Variants in LOXHD1 observed in about 807,000 individuals in gnomAD.
LOXHD1 encodes the protein lipoxygenase homology domain-containing protein 1.
In LOXHD1, 205 loss-of-function variants were observed where a neutral mutation model predicts 248.2. The observed-to-expected ratio is 0.83, with a 90% confidence interval of 0.74 to 0.93. LOXHD1 has a LOEUF of 0.93. Among genes scored for constraint, LOXHD1 ranks in the 40% least tolerant of loss-of-function variants. The pLI is 0.00. For synonymous variants in LOXHD1, 1,113 were observed against 1,162.8 expected, an observed-to-expected ratio of 0.96 and a Z score of 0.87; for missense variants, 2,930 against 2,971.6, an observed-to-expected ratio of 0.99 and a Z score of 0.33.
At chr18:46,559,016 G>T in intron 20 of LOXHD1, 2 of 634,734 alleles carry the variant, frequency 3.2e-6, no homozygotes, top group South Asian at 1.6e-5. Context: ...TGCTCATGTG[G>T]TTCCATCTTC....
rs539058926 is a variant in LOXHD1, at chr18:46,621,140, C to T, written c.512-2850G>A. On this transcript the variant is annotated intron_variant, in intron 4 of 40. Coordinates refer to ENST00000642948, the MANE Select transcript of LOXHD1 (RefSeq NM_001384474.1). The stretch of plus-strand genomic sequence containing the variant: ...CAAGCAGACTGTCTTCTAGCCTCTG[C>T]AGAACTTTCTATGGCAGATGGGGCC... 2.6e-5 allele frequency among the ~76,000 whole-genome samples: 4 copies of T among 152,250 alleles called. No individual in the cohort carries two copies. The South Asian group carries it at 6.2e-4, about 24-fold the overall frequency.
intron 2 of LOXHD1, among the ~76,000 whole-genome samples, chr18:46,642,251 A>C (rs1224492947): frequency 6.6e-6 from 1 of 152,212 alleles, no homozygotes; most frequent in Non-Finnish European, 1.5e-5. Flanking sequence ...CCAGGTTCTC[A>C]TTTGATCCTT....
Position 46,593,547 on chromosome 18 carries a change from G to A in LOXHD1, c.1431+53C>T, listed in dbSNP as rs2038209844. The A allele has an allele frequency of 3.3e-6, 5 of 1,534,692 alleles. No homozygotes were observed. The East Asian group carries it at 9.8e-5, about 30-fold the overall frequency. ...GAGAACCAGAATCCCCAGGACGAAT[G>A]CCCTACATCCCTTCCTCCTTTCTCC... On this transcript the variant is annotated intron_variant, in intron 10 of 40. Coordinates refer to ENST00000642948, the MANE Select transcript of LOXHD1 (RefSeq NM_001384474.1).
At chr18:46,487,921 T>C (rs2033181842) in intron 38 of LOXHD1, among the ~76,000 whole-genome samples, 1 of 152,184 alleles carries the variant, frequency 6.6e-6, no homozygotes, top group East Asian at 1.9e-4. Flanking sequence ...GGGTTTCAGG[T>C]ACATACAACC....
intron 25 of LOXHD1, among the ~76,000 whole-genome samples, chr18:46,538,602 G>A (rs1191445453): frequency 1.3e-5 from 2 of 152,182 alleles, no homozygotes; most frequent in Non-Finnish European, 2.9e-5. Context: ...AGCACATGTA[G>A]CAGACTGGTT....
intron 13 of LOXHD1, among the ~76,000 whole-genome samples, chr18:46,578,622 G>A (rs554895375): frequency 5.9e-5 from 9 of 152,296 alleles, no homozygotes; most frequent in African/African-American, 1.7e-4. Context: ...TCAGAGAGAG[G>A]CCTTCACTGG....
chr18:46,647,589 C>T (rs144588269), intron 2 of LOXHD1, among the ~76,000 whole-genome samples: 2 of 152,284 alleles, frequency 1.3e-5, no homozygotes, highest in African/African-American at 2.4e-5. Context: ...TTCTCTTTAC[C>T]GTGCCCACAT....
chr18:46,500,005 CAG>C (rs1210870712), intron 37 of LOXHD1, among the ~76,000 whole-genome samples: 1 of 152,122 alleles, frequency 6.6e-6, no homozygotes, highest in East Asian at 1.9e-4. Flanking sequence ...TTCAGCATTA[CAG>C]AGTTTCCCAG....
At chr18:46,616,803 T>A (rs562766067) in intron 5 of LOXHD1, among the ~76,000 whole-genome samples, 3 of 152,238 alleles carry the variant, frequency 2.0e-5, no homozygotes, top group Non-Finnish European at 4.4e-5. Flanking sequence ...ATAACCTACA[T>A]AGGTTGCTGA....
intron 21 of LOXHD1, among the ~76,000 whole-genome samples, chr18:46,553,842 G>A (rs190767987): frequency 1.3e-5 from 2 of 152,236 alleles, no homozygotes; most frequent in African/African-American, 4.8e-5. Context: ...CCTGCCTGAA[G>A]AAAGCATGAC....
chr18:46,566,653 T>C (rs1490583093), intron 16 of LOXHD1, among the ~76,000 whole-genome samples: 2 of 152,150 alleles, frequency 1.3e-5, no homozygotes, highest in Non-Finnish European at 2.9e-5. Flanking sequence ...CACCTGCCTG[T>C]AGCCACCATT....
intron 35 of LOXHD1, among the ~76,000 whole-genome samples, chr18:46,508,237 A>G (rs1457050947): frequency 1.3e-5 from 2 of 152,194 alleles, no homozygotes; most frequent in African/African-American, 4.8e-5. Flanking sequence ...AGGGGACTGC[A>G]GGGCTTTGTG....
At chr18:46,648,674 G>A (rs1488049143) in intron 2 of LOXHD1, among the ~76,000 whole-genome samples, 2 of 152,170 alleles carry the variant, frequency 1.3e-5, no homozygotes, top group African/African-American at 2.4e-5. Context: ...ACACGCACAA[G>A]CACACACACA....
chr18:46,645,170 A>G (rs1001210865), intron 2 of LOXHD1, among the ~76,000 whole-genome samples: 3 of 152,246 alleles, frequency 2.0e-5, no homozygotes, highest in African/African-American at 7.2e-5. Flanking sequence ...CTGGATTGCA[A>G]ATGCCTGTGG....
chr18:46,491,310 G>C (rs2033456574), intron 37 of LOXHD1, among the ~76,000 whole-genome samples: 1 of 152,216 alleles, frequency 6.6e-6, no homozygotes, highest in Admixed American at 6.5e-5. Context: ...CCAAGGCTGA[G>C]AACCTGGGCC....
At chr18:46,630,309 G>T (rs935096651) in intron 4 of LOXHD1, among the ~76,000 whole-genome samples, 1 of 152,224 alleles carries the variant, frequency 6.6e-6, no homozygotes, top group Non-Finnish European at 1.5e-5. Context: ...TATGGTGTGG[G>T]CTCAATATTA....
rs77052585 is a variant in LOXHD1 at position 46,641,190 on chromosome 18, C to T, written c.326+766G>A. On this transcript the variant is annotated intron_variant, in intron 3 of 40. Transcript: ENST00000642948. The stretch of plus-strand genomic sequence containing the variant: ...CCTTATTTCCCCAGCAAAGAGAGTT[C>T]GTGATATTGTATTTTCTAGCAGAAG... Among the ~76,000 whole-genome samples, 9 of 152,180 alleles carry T rather than the reference C, an allele frequency of 5.9e-5. No individual in the cohort carries two copies. The East Asian group carries it at 9.6e-4, about 16-fold the overall frequency.
intron 22 of LOXHD1, among the ~76,000 whole-genome samples, chr18:46,545,651 A>C (rs2036779629): frequency 2.0e-5 from 1 of 50,030 alleles, no homozygotes; most frequent in Admixed American, 1.7e-4. Context: ...TTTTTTTGAG[A>C]CGGAGTCTCG....
At position 46,577,707 on chromosome 18, in the gene LOXHD1, C is replaced by T; in HGVS notation, c.1970G>A (p.Arg657Lys). ...ACACCAGCAGGCAGGACGCATGTAC[C>T]TGAGACATGGGAACTCCACGTTGTC... ...ESDNVEFPCL[R>K]WLDKDKDDGQ... The change falls in exon 14 of 41, where the codon AGG (arginine) becomes AAG (lysine). Residue 657 changes from arginine (R) to lysine (K), a missense_variant and splice_region_variant. Physicochemically the swap from Arg to Lys is conservative, Grantham distance 26. Coordinates refer to ENST00000642948, the MANE Select transcript of LOXHD1 (RefSeq NM_001384474.1). 6 of 1,550,236 alleles carry T rather than the reference C, an allele frequency of 3.9e-6. No individual in the cohort carries two copies. Among genetic ancestry groups the T allele is most frequent in the Non-Finnish European group, 5.2e-6 (6 of 1,145,740 alleles).
Sources: allele counts gnomAD v4.1 joint callset (sites outside exome capture counted in the v4.1 genomes callset), GRCh38; gene constraint gnomAD v4.1.1; transcripts MANE v1.5; gene names NCBI Gene and HGNC (gene_info 2026-07-23, HGNC 2026-07-21).